Variants in LPCAT3 observed in about 807,000 individuals in gnomAD.
LPCAT3 encodes lysophosphatidylcholine acyltransferase 3.
A neutral mutation model predicts 63.4 loss-of-function variants in LPCAT3; 21 were observed. The observed-to-expected ratio is 0.33, with a 90% CI of 0.23 to 0.48. LPCAT3 has a LOEUF of 0.48. Among genes scored for constraint, LPCAT3 ranks in the 20% least tolerant of loss-of-function variants. The probability of loss-of-function intolerance (pLI) is 0.99; values close to 1 mark genes in which losing one functional copy is unlikely to be tolerated. For missense variants in LPCAT3, 451 were observed against 590.6 expected (o/e 0.76, Z 2.45); for synonymous variants, 242 against 227.5 (o/e 1.06, Z -0.58).
At chr12:7,011,662 A>G (rs1235922769) in intron 1 of LPCAT3, among the ~76,000 whole-genome samples, 1 of 151,618 alleles carries the variant, frequency 6.6e-6, no homozygotes, top group Non-Finnish European at 1.5e-5. Flanking sequence ...AAAAAAAAAA[A>G]AAAAAAGAAA....
In LPCAT3 at chr12:7,018,350, C is replaced by T. The variant is rs1306284665; in HGVS notation, c.75G>A (p.Glu25=). 17 of 1,612,098 alleles carry T rather than the reference C, an allele frequency of 1.1e-5. No individual in the cohort carries two copies. Among genetic ancestry groups the T allele is most frequent in the Non-Finnish European group, 1.4e-5 (17 of 1,179,368 alleles). Residue 25 remains glutamate, a synonymous_variant, in exon 1 of 13, where the codon GAG becomes GAA. Transcript: ENST00000261407. This position sits in a 1 kb window ranked among gnomAD's most constrained non-coding sequence, Gnocchi z 4.9. The part of the protein sequence containing the change: ...LAGVLQSGFQ[E]LSLNKLATSL... ...ACGTCGCCAACTTGTTAAGGCTCAG[C>T]TCCTGGAAACCCGACTGCAGAACCC... is the stretch of plus-strand genomic sequence containing the variant.
chr12:7,001,398 A>C, intron 1 of LPCAT3: 1 of 455,826 alleles, frequency 2.2e-6, no homozygotes, highest in Non-Finnish European at 4.4e-6. Flanking sequence ...AAAATAATCA[A>C]CCACCACCCC....
At chr12:7,003,311 TCTTC>T (rs1946702261) in intron 1 of LPCAT3, among the ~76,000 whole-genome samples, 1 of 151,834 alleles carries the variant, frequency 6.6e-6, no homozygotes, top group African/African-American at 2.4e-5. Context: ...TACAAAAAGC[TCTTC>T]CTTTTCTCTG....
Position 6,987,900 on chromosome 12 carries a change from G to A in LPCAT3, c.152-4361C>T. The A allele has an allele frequency of 2.5e-6, 1 of 400,506 alleles. No homozygotes were observed. The highest frequency in any genetic ancestry group is 4.4e-6 in the Non-Finnish European group (1 of 226,122). The allele number at this position is 400,506 out of a possible 1,614,324, so 24.8% of individuals were successfully genotyped here. A position where few individuals can be genotyped will look rare whatever the true frequency, so the allele number is the denominator to read the frequency against. On this transcript the variant is annotated intron_variant, in intron 1 of 12. Coordinates refer to ENST00000261407, the MANE Select transcript of LPCAT3 (RefSeq NM_005768.6). This position sits in a 1 kb window ranked among gnomAD's most constrained non-coding sequence, Gnocchi z 4.1. ...ACACTGTCCTGAGTTCTGAGTTCTT[G>A]TGTCCACTTCTTATAGCCTGTCTGT...
At chr12:6,984,489 G>A (rs1946502524) in intron 1 of LPCAT3, among the ~76,000 whole-genome samples, 1 of 152,194 alleles carries the variant, frequency 6.6e-6, no homozygotes, top group Non-Finnish European at 1.5e-5. Context: ...GGAGGATGGG[G>A]ATCTCTCAAC....
chr12:6,979,462 G>T lies in LPCAT3; in HGVS notation c.786+9C>A. On this transcript the variant is annotated intron_variant, in intron 7 of 12. Coordinates refer to ENST00000261407, the MANE Select transcript of LPCAT3 (RefSeq NM_005768.6). ...CAGTCATGCTGCTGCTGCTTTAGTA[G>T]ACACTCACGTCATAGTCTTCAGTGA... 6.3e-7 allele frequency: 1 copy of T among 1,586,074 alleles called. No individual in the cohort carries two copies. Among genetic ancestry groups the T allele is most frequent in the South Asian group, 1.1e-5 (1 of 90,504 alleles).
chr12:6,997,236 G>T (rs1003651264), intron 1 of LPCAT3: 1 of 152,202 alleles, frequency 6.6e-6, no homozygotes, highest in East Asian at 1.9e-4. Flanking sequence ...ACTTCACTCT[G>T]TTGCCCAGGC....
intron 1 of LPCAT3, among the ~76,000 whole-genome samples, chr12:6,998,112 C>T (rs1946653796): frequency 6.6e-6 from 1 of 152,186 alleles, no homozygotes; most frequent in African/African-American, 2.4e-5. Flanking sequence ...ATCTCCTGGG[C>T]TCAAGTGATC....
intron 6 of LPCAT3, 59 bp downstream of exon 6, chr12:6,980,945 A>G (rs1249798454): frequency 5.5e-6 from 8 of 1,460,604 alleles, no homozygotes; most frequent in Non-Finnish European, 7.4e-6. Context: ...CTTTCAGAAG[A>G]GTCACTTCAG....
intron 1 of LPCAT3, among the ~76,000 whole-genome samples, chr12:6,991,916 A>G (rs1946593278): frequency 1.3e-5 from 2 of 152,054 alleles, no homozygotes; most frequent in Non-Finnish European, 2.9e-5. Context: ...TGTACTCAGG[A>G]TCAGGCATGG....
At chr12:7,014,822 G>A (rs1946786941) in intron 1 of LPCAT3, among the ~76,000 whole-genome samples, 1 of 150,714 alleles carries the variant, frequency 6.6e-6, no homozygotes. Flanking sequence ...GAACCTGGGA[G>A]GCGGAGGTTG....
intron 9 of LPCAT3, 193 bp downstream of exon 9, chr12:6,978,148 T>C: frequency 1.5e-6 from 1 of 685,330 alleles, no homozygotes; most frequent in Non-Finnish European, 2.4e-6. Flanking sequence ...ATATCTTGCC[T>C]TTTTTTCAAA....
intron 1 of LPCAT3, among the ~76,000 whole-genome samples, chr12:6,992,594 G>C (rs1282878850): frequency 6.6e-6 from 1 of 152,204 alleles, no homozygotes; most frequent in Non-Finnish European, 1.5e-5. Flanking sequence ...GAAGTCTCAG[G>C]AACTTTTAGG....
chr12:7,018,219 T>C lies in LPCAT3; in HGVS notation c.151+55A>G, dbSNP rs932523203. 7.7e-6 allele frequency: 12 copies of C among 1,554,874 alleles called. No homozygotes were observed. Among genetic ancestry groups the C allele is most frequent in the African/African-American group, 2.7e-5 (2 of 73,446 alleles). ...GAGAGGGAGGTCCTGTCCCCATTCC[T>C]CCCCTACTCCCCGGGGACTCCGCGA... On this transcript the variant is annotated intron_variant, in intron 1 of 12. Transcript: ENST00000261407. The surrounding 1 kb of genome is among the most constrained non-coding windows in gnomAD (Gnocchi z 4.9).
Position 7,002,472 on chromosome 12 carries a change from A to C in LPCAT3, c.151+15802T>G, listed in dbSNP as rs189550558. Among the ~76,000 whole-genome samples the C allele has an allele frequency of 1.1e-3, 166 of 152,236 alleles. 2 individuals carry two copies. Among genetic ancestry groups the C allele is most frequent in the African/African-American group, 3.7e-3 (153 of 41,480 alleles). ...TTCTCTCCAACCCCTCCAAACACTT[A>C]TCATGAGTAATTTCTCTTGTCTTTA... On this transcript the variant is annotated intron_variant, in intron 1 of 12. Transcript: ENST00000261407.
Position 7,018,234 on chromosome 12 carries a change from G to C in LPCAT3, c.151+40C>G, listed in dbSNP as rs782766038. 22 of 1,568,256 alleles carry C rather than the reference G, an allele frequency of 1.4e-5. No individual in the cohort carries two copies. Among genetic ancestry groups the C allele is most frequent in the Non-Finnish European group, 1.8e-5 (21 of 1,156,020 alleles). On this transcript the variant is annotated intron_variant, in intron 1 of 12. Coordinates refer to ENST00000261407, the MANE Select transcript of LPCAT3 (RefSeq NM_005768.6). The surrounding 1 kb of genome is among the most constrained non-coding windows in gnomAD (Gnocchi z 4.9). ...TCCCCATTCCTCCCCTACTCCCCGG[G>C]GACTCCGCGAGGGGCGGAGGGAGGC... is the stretch of plus-strand genomic sequence containing the variant.
Position 6,978,329 on chromosome 12 carries a change from C to G in LPCAT3, c.1040+12G>C. The stretch of plus-strand genomic sequence containing the variant: ...AAGGAACCAGGGTCCAGGCTCCCCA[C>G]CAGCAGCTCACCGGGCCACCCAGGC... On this transcript the variant is annotated intron_variant, in intron 9 of 12. Coordinates refer to ENST00000261407, the MANE Select transcript of LPCAT3 (RefSeq NM_005768.6). 6.2e-7 allele frequency: 1 copy of G among 1,600,620 alleles called. No individual in the cohort carries two copies. Among genetic ancestry groups the G allele is most frequent in the East Asian group, 2.2e-5 (1 of 44,738 alleles).
At position 6,978,445 on chromosome 12, in the gene LPCAT3, C is replaced by T; in HGVS notation, c.936G>A (p.Lys312=). ...FNGFEEKGKA[K]WDACANMKVW... ...CCTTCATGTTGGCACAGGCATCCCA[C>T]TTTGCCTTGCCCTTTTCTTCAAAGC... Residue 312 remains lysine, a synonymous_variant, in exon 9 of 13, where the codon AAG becomes AAA. Coordinates refer to ENST00000261407, the MANE Select transcript of LPCAT3 (RefSeq NM_005768.6). 1 of 1,614,186 alleles carries T rather than the reference C, an allele frequency of 6.2e-7. No individual in the cohort carries two copies. The highest frequency in any genetic ancestry group is 1.3e-5 in the African/African-American group (1 of 75,064).
In LPCAT3 at chr12:7,007,576, C is replaced by T. The variant is rs782686387; in HGVS notation, c.151+10698G>A. Reference sequence around the variant, plus strand: ...ATGGTACGATCTCGGCTCACTGCAACCTCCCCCTCCCAGGTTCAAGCGATT... The same window carrying T: ...ATGGTACGATCTCGGCTCACTGCAATCTCCCCCTCCCAGGTTCAAGCGATT... On this transcript the variant is annotated intron_variant, in intron 1 of 12. Coordinates refer to ENST00000261407, the MANE Select transcript of LPCAT3 (RefSeq NM_005768.6). Among the ~76,000 whole-genome samples the T allele has an allele frequency of 2.7e-5, 4 of 147,390 alleles. No homozygotes were observed. The East Asian group carries it at 8.1e-4, about 30-fold the overall frequency.
Sources: gnomAD v4.1 joint callset for allele counts (sites outside exome capture counted in the v4.1 genomes callset) on GRCh38, gnomAD v4.1.1 for gene constraint, Gnocchi (gnomAD v3.1) non-coding constraint, MANE v1.5 for transcripts, NCBI Gene and HGNC (gene_info 2026-07-23, HGNC 2026-07-21) for gene names.